The following ARHGAP23 variants were observed in gnomAD, a reference collection of about 807,000 sequenced individuals.
The protein encoded by ARHGAP23 is Rho GTPase activating protein 23.
Under a neutral mutation model 136.3 loss-of-function variants are expected in ARHGAP23, and 34 were observed. The ratio of observed to expected loss-of-function variants is 0.25; its 90% CI spans 0.19 to 0.33. ARHGAP23 has a LOEUF of 0.33. Ranked by LOEUF, ARHGAP23 falls within the 10% of genes least tolerant of loss-of-function variation. The pLI, the probability that ARHGAP23 is intolerant of heterozygous loss-of-function variation, is 1.00. For synonymous variants in ARHGAP23, 832 were observed against 920.5 expected (o/e 0.90, Z 1.74); for missense variants, 1,808 against 2,139.0 (o/e 0.85, Z 3.05).
Position 38,463,338 on chromosome 17 carries a change from C to T in ARHGAP23, c.439C>T (p.Leu147=). The part of the protein sequence containing the change: ...IALIQNSDDT[L]ELSIMPKDED... The stretch of plus-strand genomic sequence containing the variant: ...TGCCTGTCTCTGTAGTGATGACACT[C>T]TGGAGCTGTCTATCATGCCCAAGGA... Residue 147 remains leucine, a synonymous_variant, in exon 6 of 24, where the codon CTG becomes TTG. Transcript: ENST00000622683. 1 of 1,551,728 alleles carries T rather than the reference C, an allele frequency of 6.4e-7. No individual in the cohort carries two copies. Among genetic ancestry groups the T allele is most frequent in the Non-Finnish European group, 8.7e-7 (1 of 1,146,980 alleles).
intron 22 of ARHGAP23, chr17:38,498,827 TTTTAA>T (rs2040452278): frequency 1.4e-6 from 1 of 690,126 alleles, no homozygotes; most frequent in African/African-American, 1.8e-5. Flanking sequence ...ATGTTCCTCT[TTTTAA>T]TTTTTCTTCC....
At chr17:38,467,869 C>G (rs2039650809) in intron 7 of ARHGAP23, among the ~76,000 whole-genome samples, 1 of 152,120 alleles carries the variant, frequency 6.6e-6, no homozygotes, top group Admixed American at 6.6e-5. Flanking sequence ...CCTCTTTGTC[C>G]TTTCCATCCA....
At chr17:38,426,182 T>C (rs760729257), upstream of ARHGAP23, among the ~76,000 whole-genome samples, 4 of 151,796 alleles carry the variant, frequency 2.6e-5, no homozygotes, top group African/African-American at 7.3e-5. Context: ...CAACAAGCAT[T>C]GGACCACTGG....
At chr17:38,428,433 C>T (rs1260268330), upstream of ARHGAP23, 4 of 1,166,570 alleles carry the variant, frequency 3.4e-6, no homozygotes, top group Non-Finnish European at 4.5e-6. Flanking sequence ...CCTCCCGGGT[C>T]CCTGCCGGCG....
intron 1 of ARHGAP23, among the ~76,000 whole-genome samples, chr17:38,447,437 G>GGAAAA (rs2039058824): frequency 3.9e-5 from 1 of 25,634 alleles, no homozygotes; most frequent in Non-Finnish European, 7.2e-5. Context: ...GACTCCGTCT[G>GGAAAA]AAAAAAAAAA....
chr17:38,455,073 T>C lies in ARHGAP23; in HGVS notation c.64-3029T>C, dbSNP rs1428196770. 2.0e-5 allele frequency among the ~76,000 whole-genome samples: 3 copies of C among 152,188 alleles called. No homozygotes were observed. The East Asian group carries it at 5.8e-4, about 29-fold the overall frequency. On this transcript the variant is annotated intron_variant, in intron 1 of 23. Transcript: ENST00000622683. ...GAGCTGTGTGTGTGAGCTGTGCACC[T>C]TTCTAGTTGTTATCAATGGCTCCTT...
chr17:38,481,382 C>T (rs1429922032), intron 14 of ARHGAP23, among the ~76,000 whole-genome samples: 2 of 151,832 alleles, frequency 1.3e-5, no homozygotes, highest in African/African-American at 2.4e-5. Context: ...CTCCTGACCT[C>T]GTGATCCGCC....
chr17:38,464,304 ACACACT>A (rs1293667030), intron 6 of ARHGAP23, among the ~76,000 whole-genome samples: 1 of 151,864 alleles, frequency 6.6e-6, no homozygotes, highest in African/African-American at 2.4e-5. Context: ...ACACACACAC[ACACACT>A]CACACTCACA....
At chr17:38,433,630 A>G (rs2038730679) in intron 1 of ARHGAP23, among the ~76,000 whole-genome samples, 1 of 152,192 alleles carries the variant, frequency 6.6e-6, no homozygotes, top group Non-Finnish European at 1.5e-5. Context: ...AGGAAATTAG[A>G]GGAGCAGGTG....
At chr17:38,469,503 C>T (rs2144662435) in intron 8 of ARHGAP23, 21 bp from the exon 9 acceptor site, 1 of 1,545,122 alleles carries the variant, frequency 6.5e-7, no homozygotes, top group Non-Finnish European at 8.7e-7. Context: ...ACCCTGAGGC[C>T]CGATGTGGGC....
chr17:38,465,077 T>TG, intron 6 of ARHGAP23, among the ~76,000 whole-genome samples: 1 of 89,646 alleles, frequency 1.1e-5, no homozygotes, highest in South Asian at 5.2e-4. Flanking sequence ...CAGTGGTCAG[T>TG]GGCGGGGTTA....
chr17:38,508,493 A>T (rs1014552409), intron 23 of ARHGAP23, among the ~76,000 whole-genome samples: 1 of 152,156 alleles, frequency 6.6e-6, no homozygotes, highest in Non-Finnish European at 1.5e-5. Context: ...CTTGTGCTTT[A>T]TCCTGGTGGG....
intron 1 of ARHGAP23, among the ~76,000 whole-genome samples, chr17:38,442,713 G>A (rs142627552): frequency 6.6e-6 from 1 of 152,376 alleles, no homozygotes; most frequent in Non-Finnish European, 1.5e-5. Context: ...AGGACCCGAG[G>A]CTGGAAGGGT....
intron 1 of ARHGAP23, among the ~76,000 whole-genome samples, chr17:38,435,848 G>GC (rs1186898048): frequency 6.6e-6 from 1 of 152,184 alleles, no homozygotes; most frequent in African/African-American, 2.4e-5. Context: ...TGATCCGCCC[G>GC]CCTCAGCCTT....
At chr17:38,505,688 G>C (rs565602571) in intron 23 of ARHGAP23, among the ~76,000 whole-genome samples, 5 of 152,330 alleles carry the variant, frequency 3.3e-5, no homozygotes, top group African/African-American at 1.2e-4. Flanking sequence ...CAGCACTTTG[G>C]GAGGCCAGGG....
At chr17:38,458,732 G>A (rs533937141) in intron 2 of ARHGAP23, among the ~76,000 whole-genome samples, 6 of 152,180 alleles carry the variant, frequency 3.9e-5, no homozygotes, top group Non-Finnish European at 5.9e-5. Flanking sequence ...CTCCCAGCAC[G>A]CCCCTGGCCC....
intron 22 of ARHGAP23, chr17:38,498,922 C>T: frequency 1.4e-6 from 1 of 700,130 alleles, no homozygotes; most frequent in African/African-American, 1.8e-5. Context: ...CTCCCCCTCC[C>T]CTCCTCCAGC....
intron 2 of ARHGAP23, among the ~76,000 whole-genome samples, chr17:38,460,430 C>T (rs905537311): frequency 6.6e-6 from 1 of 152,142 alleles, no homozygotes; most frequent in Non-Finnish European, 1.5e-5. Context: ...GTCTGCACAC[C>T]CCGCCTCCCT....
rs572499303 is a variant in ARHGAP23 at position 38,503,434 on chromosome 17, G to A, written c.3447+2806G>A. Among the ~76,000 whole-genome samples, 145 of 152,336 alleles carry A rather than the reference G, an allele frequency of 9.5e-4. 1 individual carries two copies. The highest frequency in any genetic ancestry group is 1.9e-3 in the South Asian group (9 of 4,830). The stretch of plus-strand genomic sequence containing the variant: ...GGCCGAGAAGCATCATGGGCAGGCC[G>A]AGGCCTCTGAAGGCTGCGGCCCCTT... On this transcript the variant is annotated intron_variant, in intron 23 of 23. Transcript: ENST00000622683.
Sources: gnomAD v4.1 joint callset for allele counts (sites outside exome capture counted in the v4.1 genomes callset) on GRCh38, gnomAD v4.1.1 for gene constraint, MANE v1.5 for transcripts, NCBI Gene and HGNC (gene_info 2026-07-23, HGNC 2026-07-21) for gene names.